The following KIAA1217 variants were observed in gnomAD, a reference collection of about 807,000 sequenced individuals.
The protein encoded by KIAA1217 is sickle tail protein homolog.
In KIAA1217, 88 loss-of-function variants were observed where a neutral mutation model predicts 163.9. The ratio of observed to expected loss-of-function variants is 0.54; its 90% CI spans 0.45 to 0.64. KIAA1217 has a LOEUF of 0.64. Ranked by LOEUF, KIAA1217 falls within the 30% of genes least tolerant of loss-of-function variation. The probability of loss-of-function intolerance (pLI) is 0.00; values close to 1 mark genes in which losing one functional copy is unlikely to be tolerated. For synonymous variants in KIAA1217, 903 were observed against 923.1 expected (o/e 0.98, Z 0.39); for missense variants, 2,372 against 2,475.0 (o/e 0.96, Z 0.88).
At chr10:24,078,491 T>G (rs1224801860) in intron 2 of KIAA1217, among the ~76,000 whole-genome samples, 4 of 152,214 alleles carry the variant, frequency 2.6e-5, no homozygotes, top group Admixed American at 2.6e-4. Context: ...TTCTCTTGAG[T>G]GAGAATTATT....
intron 5 of KIAA1217, among the ~76,000 whole-genome samples, chr10:24,472,329 G>A (rs2063613134): frequency 6.6e-6 from 1 of 152,144 alleles, no homozygotes; most frequent in Admixed American, 6.5e-5. Context: ...TTTCCTTCCA[G>A]CCTCTCCATG....
intron 2 of KIAA1217, chr10:24,367,131 A>C: frequency 2.0e-6 from 2 of 985,498 alleles, no homozygotes; most frequent in Non-Finnish European, 2.4e-6. Context: ...TTTGAAGGGC[A>C]TGCTGATCTC....
intron 4 of KIAA1217, among the ~76,000 whole-genome samples, chr10:24,435,445 C>T (rs1341798069): frequency 2.6e-5 from 4 of 152,222 alleles, no homozygotes; most frequent in African/African-American, 9.6e-5. Flanking sequence ...CAACAATCAT[C>T]TTACATTTCT....
intron 2 of KIAA1217, among the ~76,000 whole-genome samples, chr10:24,300,406 C>T (rs1056195222): frequency 1.1e-4 from 17 of 152,126 alleles, no homozygotes; most frequent in African/African-American, 3.9e-4. Flanking sequence ...TTGCTTGTCA[C>T]AGGTGTTCCA....
intron 1 of KIAA1217, among the ~76,000 whole-genome samples, chr10:23,990,313 A>G (rs575396340): frequency 6.6e-6 from 1 of 152,174 alleles, no homozygotes; most frequent in Non-Finnish European, 1.5e-5. Flanking sequence ...TGGACTTTCA[A>G]GTTTCATCTT....
intron 1 of KIAA1217, among the ~76,000 whole-genome samples, chr10:23,923,051 G>T (rs1248865553): frequency 6.6e-6 from 1 of 152,050 alleles, no homozygotes; most frequent in Non-Finnish European, 1.5e-5. Context: ...CACCCAAGCA[G>T]GGTACACTGT....
At chr10:23,758,656 C>T (rs1834057543) in intron 1 of KIAA1217, among the ~76,000 whole-genome samples, 2 of 123,448 alleles carry the variant, frequency 1.6e-5, no homozygotes, top group African/African-American at 3.0e-5. Context: ...CCCCCTCCCT[C>T]CCTCCCTCCC....
chr10:24,032,986 A>G (rs1302401066), intron 2 of KIAA1217, among the ~76,000 whole-genome samples: 1 of 152,202 alleles, frequency 6.6e-6, no homozygotes, highest in African/African-American at 2.4e-5. Flanking sequence ...CAACTTTTCA[A>G]ACTGCTTCTA....
At chr10:23,915,545 G>T (rs991199563) in intron 1 of KIAA1217, among the ~76,000 whole-genome samples, 2 of 152,106 alleles carry the variant, frequency 1.3e-5, no homozygotes, top group African/African-American at 4.8e-5. Flanking sequence ...CCTTAATTTG[G>T]GCTGATACAC....
At chr10:24,068,305 T>G (rs979462058) in intron 2 of KIAA1217, among the ~76,000 whole-genome samples, 8 of 152,216 alleles carry the variant, frequency 5.3e-5, no homozygotes, top group Non-Finnish European at 8.8e-5. Flanking sequence ...GTTATTGTAT[T>G]CTTCAGCTCC....
At chr10:24,295,876 T>C (rs1263376078) in intron 2 of KIAA1217, among the ~76,000 whole-genome samples, 2 of 152,176 alleles carry the variant, frequency 1.3e-5, no homozygotes, top group Non-Finnish European at 2.9e-5. Context: ...GTTGTATCGC[T>C]CTTATGGCAC....
intron 11 of KIAA1217, among the ~76,000 whole-genome samples, chr10:24,520,703 A>C (rs2071101271): frequency 1.9e-5 from 2 of 108,052 alleles, no homozygotes; most frequent in African/African-American, 7.2e-5. Context: ...AAAATTAGCC[A>C]GGTGTGGTGG....
chr10:23,883,924 T>A (rs1327279350), intron 1 of KIAA1217, among the ~76,000 whole-genome samples: 2 of 151,936 alleles, frequency 1.3e-5, no homozygotes, highest in East Asian at 3.9e-4. Flanking sequence ...TTAAATTTCC[T>A]CCGCATATTT....
intron 2 of KIAA1217, among the ~76,000 whole-genome samples, chr10:24,177,377 A>G (rs2065961184): frequency 6.9e-6 from 1 of 145,666 alleles, no homozygotes; most frequent in South Asian, 2.2e-4. Flanking sequence ...ATATATATAT[A>G]TATGTGTGTG....
intron 2 of KIAA1217, among the ~76,000 whole-genome samples, chr10:24,272,116 G>A (rs1446257483): frequency 6.6e-6 from 1 of 152,100 alleles, no homozygotes; most frequent in African/African-American, 2.4e-5. Flanking sequence ...CTCATGCCTT[G>A]TTTTCCCTTC....
chr10:23,791,350 C>G (rs1410997713), intron 1 of KIAA1217, among the ~76,000 whole-genome samples: 1 of 152,176 alleles, frequency 6.6e-6, no homozygotes, highest in Non-Finnish European at 1.5e-5. Flanking sequence ...AGTCTTATTT[C>G]ATCTAACTTC....
chr10:24,208,922 G>A, upstream of KIAA1217: 2 of 232,228 alleles, frequency 8.6e-6, no homozygotes, highest in Non-Finnish European at 1.7e-5. Context: ...CCCAGTCCCC[G>A]GAGAGCGCGC....
At chr10:24,082,105 C>A (rs1424888699) in intron 2 of KIAA1217, among the ~76,000 whole-genome samples, 2 of 152,122 alleles carry the variant, frequency 1.3e-5, no homozygotes, top group Non-Finnish European at 2.9e-5. Context: ...GCTTTGTCCC[C>A]TTTTGTAATT....
intron 2 of KIAA1217, among the ~76,000 whole-genome samples, chr10:24,277,124 G>C (rs2077393189): frequency 6.6e-6 from 1 of 152,156 alleles, no homozygotes; most frequent in African/African-American, 2.4e-5. Flanking sequence ...CATGTCCCTA[G>C]TTTTATAGCT....
Sources: gnomAD v4.1 joint callset for allele counts (sites outside exome capture counted in the v4.1 genomes callset) on GRCh38, gnomAD v4.1.1 for gene constraint, MANE v1.5 for transcripts, NCBI Gene and HGNC (gene_info 2026-07-23, HGNC 2026-07-21) for gene names.